The following NEMF variants were observed in gnomAD, a reference collection of about 807,000 sequenced individuals.
The protein encoded by NEMF is nuclear export mediator factor.
NEMF carries 89 observed loss-of-function variants against 162.2 expected under a neutral mutation model. That is an observed-to-expected ratio of 0.55 (90% CI 0.46 to 0.65). The LOEUF is 0.65. NEMF is among the 30% of genes least tolerant of loss of function. The pLI, the probability that NEMF is intolerant of heterozygous loss-of-function variation, is 0.00. For synonymous variants in NEMF, 421 were observed against 404.5 expected (o/e 1.04, Z -0.49); for missense variants, 1,133 against 1,261.9 (o/e 0.90, Z 1.55).
At chr14:49,816,707 C>T (rs1891733158) in intron 16 of NEMF, among the ~76,000 whole-genome samples, 1 of 152,170 alleles carries the variant, frequency 6.6e-6, no homozygotes, top group South Asian at 2.1e-4. Context: ...ACAAACTGTT[C>T]TGAATATTGC....
chr14:49,784,888 T>TTAA, intron 32 of NEMF, 37 bp downstream of exon 32: 6 of 1,545,836 alleles, frequency 3.9e-6, no homozygotes, highest in Non-Finnish European at 4.5e-6. Flanking sequence ...AATTGTACTG[T>TTAA]CAGTCTCCAC....
chr14:49,845,922 G>C, intron 4 of NEMF: 1 of 544,198 alleles, frequency 1.8e-6, no homozygotes. Flanking sequence ...CATTCATAAG[G>C]CTATTCTAAA....
At chr14:49,838,711 A>G (rs1893036241) in intron 5 of NEMF, among the ~76,000 whole-genome samples, 1 of 151,140 alleles carries the variant, frequency 6.6e-6, no homozygotes, top group African/African-American at 2.4e-5. Flanking sequence ...CAGCCTCCCG[A>G]GTAGCTAGGA....
chr14:49,846,079 C>A, intron 4 of NEMF, 61 bp downstream of exon 4: 1 of 1,449,336 alleles, frequency 6.9e-7, no homozygotes, highest in South Asian at 1.2e-5. Context: ...TGTTATATAG[C>A]ACTATTACAA....
chr14:49,806,242 A>ATG (rs1891190593), intron 18 of NEMF, 109 bp from the exon 19 acceptor site: 1 of 13,216 alleles, frequency 7.6e-5, no homozygotes, highest in African/African-American at 2.1e-4. Flanking sequence ...GTATATATAT[A>ATG]TATATATATA....
At chr14:49,811,947 A>AG (rs1891499756) in intron 18 of NEMF, among the ~76,000 whole-genome samples, 1 of 152,176 alleles carries the variant, frequency 6.6e-6, no homozygotes, top group Admixed American at 6.5e-5. Context: ...TGGGTTAGGA[A>AG]GTGTTCCCAC....
chr14:49,802,206 C>CA (rs1269744670), intron 22 of NEMF, among the ~76,000 whole-genome samples: 1 of 150,648 alleles, frequency 6.6e-6, no homozygotes, highest in African/African-American at 2.4e-5. Flanking sequence ...CTCGGACTCC[C>CA]AAAAGTGCTG....
At chr14:49,784,803 T>G (rs1890082954) in intron 32 of NEMF, 90 bp from the exon 33 acceptor site, 2 of 1,418,100 alleles carry the variant, frequency 1.4e-6, no homozygotes, top group Non-Finnish European at 2.0e-6. Flanking sequence ...TTCCAAACTT[T>G]TAGCTGAGAT....
intron 16 of NEMF, among the ~76,000 whole-genome samples, chr14:49,819,496 C>T (rs753052906): frequency 6.6e-6 from 1 of 151,714 alleles, no homozygotes; most frequent in Non-Finnish European, 1.5e-5. Context: ...CTCACTGCAA[C>T]GTCTGCCTCC....
At chr14:49,847,703 ATTCTTTTTTTTTTTT>A (rs1465478789) in intron 3 of NEMF, among the ~76,000 whole-genome samples, 2 of 129,316 alleles carry the variant, frequency 1.5e-5, no homozygotes, top group South Asian at 2.6e-4. Flanking sequence ...ACCCCTACCA[ATTCTTTTTTTTTTTT>A]TTTTTTTTTT....
chr14:49,836,060 T>C (rs1167821154), intron 6 of NEMF, among the ~76,000 whole-genome samples: 2 of 152,146 alleles, frequency 1.3e-5, no homozygotes, highest in African/African-American at 2.4e-5. Flanking sequence ...GGCCAGGCAG[T>C]GGCTCACAGC....
Position 49,800,598 on chromosome 14 carries a change from G to A in NEMF, c.2194C>T (p.Gln732Ter). The A allele has an allele frequency of 6.2e-7, 1 of 1,613,690 alleles. No individual in the cohort carries two copies. The highest frequency in any genetic ancestry group is 8.5e-7 in the Non-Finnish European group (1 of 1,179,748). ...TQVDQEDITL[Q>*]SGRDELNEEL... ...TCATTTAGTTCATCTCTGCCACTCT[G>A]AAGAGTGATATCCTCTTGGTCAACC... is the stretch of plus-strand genomic sequence containing the variant. Residue 732 changes from glutamine (Q) to a stop codon, truncating the protein, a stop_gained, in exon 23 of 33, where the codon CAG (glutamine) becomes TAG (stop). Coordinates refer to ENST00000298310, the MANE Select transcript of NEMF (RefSeq NM_004713.6). LOFTEE classifies it high-confidence loss of function.
At chr14:49,817,956 C>T (rs1891800644) in intron 16 of NEMF, among the ~76,000 whole-genome samples, 1 of 151,946 alleles carries the variant, frequency 6.6e-6, no homozygotes, top group African/African-American at 2.4e-5. Context: ...CCAACAAGAA[C>T]ATTACAAGAA....
At chr14:49,798,765 G>C (rs2139850259) in intron 25 of NEMF, among the ~76,000 whole-genome samples, 1 of 152,148 alleles carries the variant, frequency 6.6e-6, no homozygotes, top group East Asian at 1.9e-4. Flanking sequence ...AAATTAGCCG[G>C]GCATGGTGGT....
intron 16 of NEMF, chr14:49,819,978 G>C: frequency 6.5e-6 from 1 of 153,060 alleles, no homozygotes; most frequent in African/African-American, 2.4e-5. Flanking sequence ...CTGAGACAGA[G>C]TCTCACTCTG....
intron 4 of NEMF, chr14:49,844,679 CAGATT>C (rs1370268996): frequency 6.0e-6 from 1 of 167,002 alleles, no homozygotes; most frequent in Non-Finnish European, 1.3e-5. Flanking sequence ...TACCTCAGAC[CAGATT>C]AAATTTATGT....
chr14:49,783,043 T>C lies in NEMF; in HGVS notation c.*1593A>G. The C allele has an allele frequency of 7.3e-7, 1 of 1,371,594 alleles. No homozygotes were observed. The highest frequency in any genetic ancestry group is 9.9e-7 in the Non-Finnish European group (1 of 1,006,124). 85.0% of individuals were successfully genotyped at this position (1,371,594 alleles called of 1,614,324 possible). A position where few individuals can be genotyped will look rare whatever the true frequency, so the allele number is the denominator to read the frequency against. On this transcript the variant is annotated 3_prime_UTR_variant, in exon 33 of 33. Transcript: ENST00000298310. Reference sequence around the variant, plus strand: ...GCATCATTTGTATAATTATATGCATTGTTGTAGTTTGCACCTGTTGGTTTT... The same window carrying C: ...GCATCATTTGTATAATTATATGCATCGTTGTAGTTTGCACCTGTTGGTTTT...
At chr14:49,827,083 GGGA>G (rs1362626064) in intron 15 of NEMF, among the ~76,000 whole-genome samples, 1 of 152,178 alleles carries the variant, frequency 6.6e-6, no homozygotes, top group Non-Finnish European at 1.5e-5. Flanking sequence ...GAGGTCAGAG[GGGA>G]GGAGATCTCC....
intron 18 of NEMF, among the ~76,000 whole-genome samples, chr14:49,807,038 C>A (rs1303536138): frequency 2.6e-5 from 4 of 152,166 alleles, no homozygotes. Flanking sequence ...AGCAGCCACT[C>A]CCCATTTTCT....
Sources: gnomAD v4.1 joint callset for allele counts (sites outside exome capture counted in the v4.1 genomes callset) on GRCh38, gnomAD v4.1.1 for gene constraint, MANE v1.5 for transcripts, NCBI Gene and HGNC (gene_info 2026-07-23, HGNC 2026-07-21) for gene names.